The following TLN2 variants were observed in gnomAD, a reference collection of about 807,000 sequenced individuals.
TLN2 encodes the protein talin 2.
In TLN2, 118 loss-of-function variants were observed where a neutral mutation model predicts 294.7. That is an observed-to-expected ratio of 0.40 (90% confidence interval 0.34 to 0.47). The LOEUF is 0.47. TLN2 is among the 20% of genes least tolerant of loss of function. The pLI is 0.84. For missense variants in TLN2, 3,083 were observed against 3,282.2 expected, an observed-to-expected ratio of 0.94 and a Z score of 1.48; for synonymous variants, 1,431 against 1,304.5, an observed-to-expected ratio of 1.10 and a Z score of -2.09.
intron 1 of TLN2, among the ~76,000 whole-genome samples, chr15:62,392,587 G>A (rs1360527526): frequency 1.3e-5 from 2 of 152,194 alleles, no homozygotes; most frequent in African/African-American, 2.4e-5. Flanking sequence ...TCTGCTTTGT[G>A]ATGGGACAGG....
intron 52 of TLN2, among the ~76,000 whole-genome samples, chr15:62,811,230 G>T (rs2066658460): frequency 6.6e-6 from 1 of 152,130 alleles, no homozygotes; most frequent in South Asian, 2.1e-4. Context: ...TGCATTTTTT[G>T]GGAAAGTAGC....
At chr15:62,668,516 T>C (rs1567306533) in intron 9 of TLN2, among the ~76,000 whole-genome samples, 1 of 152,200 alleles carries the variant, frequency 6.6e-6, no homozygotes. Flanking sequence ...CTGGTCTTCA[T>C]TGTCATATTC....
At chr15:62,828,829 C>T (rs1193937202) in intron 54 of TLN2, 1 of 152,184 alleles carries the variant, frequency 6.6e-6, no homozygotes, top group Non-Finnish European at 1.5e-5. Context: ...CACATGGGCT[C>T]CTCTGCCTGA....
intron 3 of TLN2, among the ~76,000 whole-genome samples, chr15:62,636,348 A>G (rs540148827): frequency 6.6e-6 from 1 of 152,264 alleles, no homozygotes; most frequent in Admixed American, 6.5e-5. Flanking sequence ...GTGGTGGTAG[A>G]AAATGAGGAG....
intron 46 of TLN2, among the ~76,000 whole-genome samples, chr15:62,795,262 A>G (rs1464392153): frequency 1.3e-5 from 2 of 152,094 alleles, no homozygotes; most frequent in African/African-American, 4.8e-5. Context: ...GCGCAGACCC[A>G]GGGTGGAGAG....
At position 62,675,233 on chromosome 15, in the gene TLN2, G is replaced by C. The variant is rs536322654; in HGVS notation, c.869G>C (p.Gly290Ala). 2 of 1,614,234 alleles carry C rather than the reference G, an allele frequency of 1.2e-6. No individual in the cohort carries two copies. The highest frequency in any genetic ancestry group is 2.7e-5 in the African/African-American group (2 of 75,054). ...KRIFQEHKNCGEMSEIEAKVK... is the reference protein window; with the variant it reads ...KRIFQEHKNCAEMSEIEAKVK... ...CTTTTGCAGGAGCATAAGAACTGCG[G>C]AGAGATGAGTGAGATAGAAGCCAAG... is the stretch of plus-strand genomic sequence containing the variant. Residue 290 changes from glycine to alanine, a missense_variant, in exon 11 of 59, where the codon GGA becomes GCA. Physicochemically the swap from Gly to Ala is moderately conservative, Grantham distance 60. Coordinates refer to ENST00000636159, the MANE Select transcript of TLN2 (RefSeq NM_015059.3).
At chr15:62,521,617 T>C (rs901056469) in intron 1 of TLN2, among the ~76,000 whole-genome samples, 3 of 152,198 alleles carry the variant, frequency 2.0e-5, no homozygotes, top group Non-Finnish European at 2.9e-5. Context: ...GTTCTTGTTT[T>C]GTTATGCAGG....
At chr15:62,446,764 G>A (rs2035842647) in intron 1 of TLN2, among the ~76,000 whole-genome samples, 1 of 152,154 alleles carries the variant, frequency 6.6e-6, no homozygotes, top group African/African-American at 2.4e-5. Flanking sequence ...ACAAGGGCTG[G>A]ACTGGGGGCT....
chr15:62,736,326 A>AT lies in TLN2; in HGVS notation c.3359-552_3359-551insT, dbSNP rs549763573. Reference sequence around the variant, plus strand: ...CAGAGACTCTGTCTCAAAAAAAAAAAAAAAACAGTAAAAGTAGTCTAAGGT... The same window carrying AT: ...CAGAGACTCTGTCTCAAAAAAAAAAATAAAAACAGTAAAAGTAGTCTAAGGT... On this transcript the variant is annotated intron_variant, in intron 28 of 58. Transcript: ENST00000636159. Among the ~76,000 whole-genome samples, 129 of 152,142 alleles carry AT rather than the reference A, an allele frequency of 8.5e-4. 1 individual carries two copies. In the East Asian group the frequency reaches 0.015, roughly 18 times the overall value.
chr15:62,803,980 C>A (rs902188953), intron 50 of TLN2, among the ~76,000 whole-genome samples: 3 of 152,070 alleles, frequency 2.0e-5, no homozygotes, highest in Non-Finnish European at 2.9e-5. Flanking sequence ...TGATCTAAGC[C>A]GTATCTGCAT....
chr15:62,762,179 T>G, intron 38 of TLN2, 93 bp from the exon 39 acceptor site: 1 of 1,370,250 alleles, frequency 7.3e-7, no homozygotes. Context: ...AGGGCAGAGG[T>G]GGTGATTTGG....
At chr15:62,713,875 C>G (rs981724565) in intron 22 of TLN2, among the ~76,000 whole-genome samples, 4 of 127,828 alleles carry the variant, frequency 3.1e-5, no homozygotes, top group Non-Finnish European at 5.3e-5. Flanking sequence ...ATAAGCTCTG[C>G]TATTAACCCC....
In TLN2 at chr15:62,647,696, C is replaced by G. The variant is rs141891587; in HGVS notation, c.136+250C>G. Reference sequence around the variant, plus strand: ...CCCTCCCATGCATGAGGATTATGCTCTGCGGTTTACAGATCACATTCTCAT... The same window carrying G: ...CCCTCCCATGCATGAGGATTATGCTGTGCGGTTTACAGATCACATTCTCAT... On this transcript the variant is annotated intron_variant, in intron 4 of 58. Coordinates refer to ENST00000636159, the MANE Select transcript of TLN2 (RefSeq NM_015059.3). 4.3e-3 allele frequency among the ~76,000 whole-genome samples: 660 copies of G among 152,280 alleles called. 5 individuals carry two copies. Among genetic ancestry groups the G allele is most frequent in the Non-Finnish European group, 7.2e-3 (489 of 68,028 alleles).
At chr15:62,673,723 G>A in intron 9 of TLN2, 104 bp from the exon 10 acceptor site, 1 of 806,982 alleles carries the variant, frequency 1.2e-6, no homozygotes. Context: ...ATAAAATATT[G>A]GGAGACTTAG....
chr15:62,441,716 C>T (rs1326411764), intron 1 of TLN2, among the ~76,000 whole-genome samples: 1 of 152,162 alleles, frequency 6.6e-6, no homozygotes, highest in Non-Finnish European at 1.5e-5. Context: ...AGATGCCAGT[C>T]CCCACTGCTG....
intron 1 of TLN2, among the ~76,000 whole-genome samples, chr15:62,556,669 G>A (rs911389261): frequency 1.3e-5 from 2 of 152,108 alleles, no homozygotes; most frequent in Non-Finnish European, 2.9e-5. Context: ...AGGCAGACAG[G>A]CATTCCATTT....
At chr15:62,502,305 A>G (rs891196778) in intron 1 of TLN2, among the ~76,000 whole-genome samples, 2 of 152,268 alleles carry the variant, frequency 1.3e-5, no homozygotes, top group African/African-American at 2.4e-5. Flanking sequence ...CTTTCAAAAC[A>G]TGGAGTTGCT....
At chr15:62,499,867 T>A (rs961189062) in intron 1 of TLN2, among the ~76,000 whole-genome samples, 1 of 151,866 alleles carries the variant, frequency 6.6e-6, no homozygotes, top group Admixed American at 6.6e-5. Context: ...CTTCCCAAAG[T>A]GGTGGGATTA....
chr15:62,461,559 A>C (rs2140341366), intron 1 of TLN2, among the ~76,000 whole-genome samples: 1 of 152,302 alleles, frequency 6.6e-6, no homozygotes, highest in Admixed American at 6.5e-5. Flanking sequence ...TGCTTTTCCT[A>C]GTGCATTCAT....
Sources: gnomAD v4.1 joint callset for allele counts (sites outside exome capture counted in the v4.1 genomes callset) on GRCh38, gnomAD v4.1.1 for gene constraint, MANE v1.5 for transcripts, NCBI Gene and HGNC (gene_info 2026-07-23, HGNC 2026-07-21) for gene names.